MAP3K5: variants seen among roughly 807,000 people sequenced by gnomAD.
MAP3K5 encodes mitogen-activated protein kinase kinase kinase 5.
In MAP3K5, 56 loss-of-function variants were observed where a neutral mutation model predicts 158.7. The ratio of observed to expected loss-of-function variants is 0.35; its 90% confidence interval spans 0.28 to 0.44. The LOEUF (loss-of-function observed/expected upper bound fraction) is 0.44. Among genes scored for constraint, MAP3K5 ranks in the 20% least tolerant of loss-of-function variants. The probability of loss-of-function intolerance (pLI) is 1.00; values close to 1 mark genes in which losing one functional copy is unlikely to be tolerated. For synonymous variants in MAP3K5, 579 were observed against 601.7 expected, an observed-to-expected ratio of 0.96 and a Z score of 0.55; for missense variants, 1,294 against 1,674.8, an observed-to-expected ratio of 0.77 and a Z score of 3.97.
intron 18 of MAP3K5, among the ~76,000 whole-genome samples, chr6:136,606,496 C>T (rs1776107482): frequency 6.6e-6 from 1 of 152,148 alleles, no homozygotes; most frequent in Non-Finnish European, 1.5e-5. Context: ...GCCTAGTATA[C>T]CCCAGGTAAA....
At chr6:136,729,763 G>A (rs1282007438) in intron 1 of MAP3K5, among the ~76,000 whole-genome samples, 1 of 152,212 alleles carries the variant, frequency 6.6e-6, no homozygotes, top group African/African-American at 2.4e-5. Context: ...GTAGATGGAT[G>A]ATAGACTACA....
rs9399191 is a variant in MAP3K5, at chr6:136,620,767, A to G, written c.2150+2081T>C. Among the ~76,000 whole-genome samples the G allele has an allele frequency of 4.5e-4, 68 of 152,348 alleles. 1 individual carries two copies. The East Asian group carries it at 0.012, about 27-fold the overall frequency. On this transcript the variant is annotated intron_variant, in intron 15 of 29. Coordinates refer to ENST00000359015, the MANE Select transcript of MAP3K5 (RefSeq NM_005923.4). Reference sequence around the variant, plus strand: ...ACACTACAACTGCGTTGCACTAATTACAGGAGCACTGCCTTACAGAGAGAT... The same window carrying G: ...ACACTACAACTGCGTTGCACTAATTGCAGGAGCACTGCCTTACAGAGAGAT...
At position 136,614,441 on chromosome 6, in the gene MAP3K5, A is replaced by G. The variant is rs923302423; in HGVS notation, c.2151-155T>C. On this transcript the variant is annotated intron_variant, in intron 15 of 29. Coordinates refer to ENST00000359015, the MANE Select transcript of MAP3K5 (RefSeq NM_005923.4). ...CTTTATTTCTCCTAAGGTAAATTCTATGAGGTTGAAGGTGTGGTAGGATCT... is the reference window on the plus strand; with the variant it reads ...CTTTATTTCTCCTAAGGTAAATTCTGTGAGGTTGAAGGTGTGGTAGGATCT... Among the ~76,000 whole-genome samples, 14 of 152,200 alleles carry G rather than the reference A, an allele frequency of 9.2e-5. No homozygotes were observed. In the East Asian group the frequency reaches 2.7e-3, roughly 29 times the overall value.
At chr6:136,773,498 C>T (rs1784291480) in intron 1 of MAP3K5, among the ~76,000 whole-genome samples, 1 of 152,214 alleles carries the variant, frequency 6.6e-6, no homozygotes, top group African/African-American at 2.4e-5. Flanking sequence ...GACCTTCGGA[C>T]AAGCCCTCTT....
chr6:136,731,493 T>C (rs748937921), intron 1 of MAP3K5, among the ~76,000 whole-genome samples: 10 of 152,218 alleles, frequency 6.6e-5, no homozygotes, highest in Non-Finnish European at 1.3e-4. Flanking sequence ...AATCGCCCTC[T>C]GCCTCTTTTA....
intron 7 of MAP3K5, 142 bp downstream of exon 7, chr6:136,693,998 T>A: frequency 1.6e-6 from 1 of 632,472 alleles, no homozygotes; most frequent in Non-Finnish European, 2.5e-6. Context: ...AAAAATAAAA[T>A]AAAATAAAAT....
chr6:136,579,781 T>G (rs1774785546), intron 25 of MAP3K5: 1 of 456,000 alleles, frequency 2.2e-6, no homozygotes, highest in Admixed American at 2.4e-5. Context: ...TTGCTGTGAA[T>G]CTTAAACTGC....
chr6:136,770,962 T>C (rs1005053928), intron 1 of MAP3K5, among the ~76,000 whole-genome samples: 7 of 152,232 alleles, frequency 4.6e-5, no homozygotes, highest in African/African-American at 1.7e-4. Context: ...CAACTCCTTA[T>C]TATATTAAAG....
chr6:136,778,678 C>A (rs529119613), intron 1 of MAP3K5, among the ~76,000 whole-genome samples: 1 of 152,074 alleles, frequency 6.6e-6, no homozygotes, highest in African/African-American at 2.4e-5. Context: ...TTCTGTGAGA[C>A]AGGAGAACAT....
chr6:136,646,500 T>C (rs547831302), intron 11 of MAP3K5, among the ~76,000 whole-genome samples: 4 of 152,320 alleles, frequency 2.6e-5, no homozygotes, highest in African/African-American at 9.6e-5. Flanking sequence ...ATCTCTGGCT[T>C]ACTTTCTGTT....
intron 28 of MAP3K5, among the ~76,000 whole-genome samples, chr6:136,560,917 G>A (rs1466032611): frequency 1.4e-5 from 2 of 147,052 alleles, no homozygotes; most frequent in African/African-American, 5.3e-5. Context: ...CCTCCAGCCA[G>A]GGTAACAGAG....
At position 136,608,880 on chromosome 6, in the gene MAP3K5, ATT is replaced by A. The variant is rs1288875732; in HGVS notation, c.2521+2400_2521+2401del. On this transcript the variant is annotated intron_variant, in intron 18 of 29. Coordinates refer to ENST00000359015, the MANE Select transcript of MAP3K5 (RefSeq NM_005923.4). ...AATCACCAAAAGGTGATGCAGACCA[ATT>A]TATTGACTGAGCACCTGGGACTAAC... is the stretch of plus-strand genomic sequence containing the variant. 3.3e-5 allele frequency among the ~76,000 whole-genome samples: 5 copies of A among 152,322 alleles called. No individual in the cohort carries two copies. The East Asian group carries it at 9.7e-4, about 29-fold the overall frequency.
intron 1 of MAP3K5, among the ~76,000 whole-genome samples, chr6:136,724,988 TA>T (rs1781906333): frequency 2.0e-5 from 3 of 152,196 alleles, no homozygotes; most frequent in African/African-American, 4.8e-5. Context: ...TTACTGTCCC[TA>T]AAGTTTTACC....
chr6:136,692,349 G>T (rs374427964), intron 7 of MAP3K5, among the ~76,000 whole-genome samples: 3 of 151,994 alleles, frequency 2.0e-5, no homozygotes, highest in East Asian at 1.9e-4. Flanking sequence ...TCACACAAAG[G>T]CTTATCCCAC....
upstream of MAP3K5, chr6:136,792,536 GCCAC>G (rs1785130568): frequency 5.5e-6 from 1 of 182,138 alleles, no homozygotes; most frequent in Non-Finnish European, 8.5e-6. The surrounding 1 kb of genome is among the most constrained non-coding windows in gnomAD (Gnocchi z 5.7). Flanking sequence ...GCCCGCCCTC[GCCAC>G]CCGCCGCGCC....
chr6:136,651,264 C>A (rs1778508884), intron 10 of MAP3K5, among the ~76,000 whole-genome samples, 173 bp from the exon 11 acceptor site: 1 of 152,134 alleles, frequency 6.6e-6, no homozygotes, highest in South Asian at 2.1e-4. Flanking sequence ...ATCCTTCAAG[C>A]ATTTTACATT....
intron 1 of MAP3K5, among the ~76,000 whole-genome samples, chr6:136,737,417 C>G (rs1181280854): frequency 6.6e-6 from 1 of 152,120 alleles, no homozygotes; most frequent in Admixed American, 6.5e-5. Flanking sequence ...GCCAGCCACA[C>G]AGAGATGAAG....
intron 1 of MAP3K5, among the ~76,000 whole-genome samples, chr6:136,782,475 C>T (rs1419669070): frequency 1.3e-5 from 2 of 152,068 alleles, no homozygotes; most frequent in Non-Finnish European, 1.5e-5. Context: ...TAAGAGTTCA[C>T]GGGTGTAGAA....
In MAP3K5 at chr6:136,605,481, C is replaced by A; in HGVS notation, c.2522-115G>T. ...ATGAGACAACTGTAAAAACATGATT[C>A]AAGTCCTAATATCGTTTGTGAGTTC... On this transcript the variant is annotated intron_variant, in intron 18 of 29. Coordinates refer to ENST00000359015, the MANE Select transcript of MAP3K5 (RefSeq NM_005923.4). 5 of 861,500 alleles carry A rather than the reference C, an allele frequency of 5.8e-6. No individual in the cohort carries two copies. The South Asian group carries it at 7.5e-5, about 13-fold the overall frequency. The allele number at this position is 861,500 out of a possible 1,614,324, so 53.4% of individuals were successfully genotyped here. A position where few individuals can be genotyped will look rare whatever the true frequency, so the allele number is the denominator to read the frequency against.
Sources: allele counts gnomAD v4.1 joint callset (sites outside exome capture counted in the v4.1 genomes callset), GRCh38; gene constraint gnomAD v4.1.1; non-coding constraint Gnocchi (gnomAD v3.1); transcripts MANE v1.5; gene names NCBI Gene and HGNC (gene_info 2026-07-23, HGNC 2026-07-21).